The following TBX4 variants were observed in gnomAD, a reference collection of about 807,000 sequenced individuals.
TBX4 encodes the protein T-box transcription factor TBX4.
In TBX4, 13 loss-of-function variants were observed where a neutral mutation model predicts 54.6. That is an observed-to-expected ratio of 0.24 (90% CI 0.15 to 0.38). TBX4 has a LOEUF of 0.38. Among genes scored for constraint, TBX4 ranks in the 10% least tolerant of loss-of-function variants. TBX4 has a pLI of 1.00. For missense variants in TBX4, 631 were observed against 728.5 expected (o/e 0.87, Z 1.54); for synonymous variants, 314 against 306.7 (o/e 1.02, Z -0.25).
rs1203870572 is a variant in TBX4 at position 61,480,506 on chromosome 17, A to G, written c.1021+187A>G. Among the ~76,000 whole-genome samples, 1 of 151,916 alleles carries G rather than the reference A, an allele frequency of 6.6e-6. No homozygotes were observed. Among genetic ancestry groups the G allele is most frequent in the Non-Finnish European group, 1.5e-5 (1 of 68,008 alleles). ...CAGGGCCATCTTTTCCAGTGCAGGG[A>G]TGCTGGTTCTCATCTCTCATGCTGC... is the stretch of plus-strand genomic sequence containing the variant. On this transcript the variant is annotated intron_variant, in intron 8 of 8. Coordinates refer to ENST00000644296, the MANE Select transcript of TBX4 (RefSeq NM_001321120.2). The surrounding 1 kb of genome is among the most constrained non-coding windows in gnomAD (Gnocchi z 6.2).
chr17:61,471,502 C>A (rs1055854004), intron 5 of TBX4, among the ~76,000 whole-genome samples: 1 of 151,734 alleles, frequency 6.6e-6, no homozygotes, highest in East Asian at 1.9e-4. Context: ...TTTCTTTCAA[C>A]CCCCAGTACA....
rs909857413 is a variant in TBX4, at chr17:61,480,394, G to C, written c.1021+75G>C. ...GTTCTCCCCGAAACCACTCTGCAGC[G>C]CCCCCCCCCCCAACACACACACACT... On this transcript the variant is annotated intron_variant, in intron 8 of 8. Transcript: ENST00000644296. This position sits in a 1 kb window ranked among gnomAD's most constrained non-coding sequence, Gnocchi z 6.2. The C allele has an allele frequency of 1.4e-5, 13 of 936,756 alleles. No homozygotes were observed. Among genetic ancestry groups the C allele is most frequent in the Non-Finnish European group, 2.1e-5 (13 of 622,028 alleles). The allele number at this position is 936,756 out of a possible 1,614,324, so 58.0% of individuals were successfully genotyped here.
chr17:61,478,233 T>C lies in TBX4; in HGVS notation c.550-394T>C, dbSNP rs1466026453. 3 of 307,780 alleles carry C rather than the reference T, an allele frequency of 9.7e-6. No homozygotes were observed. The East Asian group carries it at 2.4e-4, about 25-fold the overall frequency. 19.1% of individuals were successfully genotyped at this position (307,780 alleles called of 1,614,324 possible). On this transcript the variant is annotated intron_variant, in intron 5 of 8. Transcript: ENST00000644296. This position sits in a 1 kb window ranked among gnomAD's most constrained non-coding sequence, Gnocchi z 7.4. ...GCACAGAGAAGCCCAGTGACTTGTCTGAGATCAAACAGTGACTCGGTGGCA... is the reference window on the plus strand; with the variant it reads ...GCACAGAGAAGCCCAGTGACTTGTCCGAGATCAAACAGTGACTCGGTGGCA...
rs973922023 is a variant in TBX4 at position 61,465,154 on chromosome 17, C to T, written c.282-665C>T. Among the ~76,000 whole-genome samples, 6 of 152,108 alleles carry T rather than the reference C, an allele frequency of 3.9e-5. No individual in the cohort carries two copies. The highest frequency in any genetic ancestry group is 7.2e-5 in the African/African-American group (3 of 41,412). On this transcript the variant is annotated intron_variant, in intron 3 of 8. Coordinates refer to ENST00000644296, the MANE Select transcript of TBX4 (RefSeq NM_001321120.2). This position sits in a 1 kb window ranked among gnomAD's most constrained non-coding sequence, Gnocchi z 4.9. The stretch of plus-strand genomic sequence containing the variant: ...TCTCTTATCCATGAGGCTCCTGGAC[C>T]GACTTTCCCCTGATACTCAGGGTGC...
At position 61,479,122 on chromosome 17, in the gene TBX4, C is replaced by T. The variant is rs2060644005; in HGVS notation, c.702+343C>T. Reference sequence around the variant, plus strand: ...CAATGTTCTTTCTCCTGGTTCATCTCCTGGTGCCTTCAGAGACAGGGGTAG... The same window carrying T: ...CAATGTTCTTTCTCCTGGTTCATCTTCTGGTGCCTTCAGAGACAGGGGTAG... On this transcript the variant is annotated intron_variant, in intron 6 of 8. Coordinates refer to ENST00000644296, the MANE Select transcript of TBX4 (RefSeq NM_001321120.2). The surrounding 1 kb of genome is among the most constrained non-coding windows in gnomAD (Gnocchi z 6.1). Among the ~76,000 whole-genome samples the T allele has an allele frequency of 6.6e-6, 1 of 152,168 alleles. No individual in the cohort carries two copies. Among genetic ancestry groups the T allele is most frequent in the African/African-American group, 2.4e-5 (1 of 41,442 alleles).
At chr17:61,477,532 T>C (rs1250725480) in intron 5 of TBX4, among the ~76,000 whole-genome samples, 1 of 152,228 alleles carries the variant, frequency 6.6e-6, no homozygotes, top group African/African-American at 2.4e-5. Flanking sequence ...CCTTGGCACC[T>C]TGAACGCTTG....
chr17:61,477,642 G>A (rs1171980340), intron 5 of TBX4, among the ~76,000 whole-genome samples: 1 of 152,200 alleles, frequency 6.6e-6, no homozygotes, highest in Admixed American at 6.5e-5. Flanking sequence ...TGTGAACGTT[G>A]AGAAATGCAT....
chr17:61,475,296 T>A lies in TBX4; in HGVS notation c.550-3331T>A, dbSNP rs1389564996. 6.6e-6 allele frequency among the ~76,000 whole-genome samples: 1 copy of A among 152,220 alleles called. No individual in the cohort carries two copies. Among genetic ancestry groups the A allele is most frequent in the African/African-American group, 2.4e-5 (1 of 41,452 alleles). On this transcript the variant is annotated intron_variant, in intron 5 of 8. Transcript: ENST00000644296. This position sits in a 1 kb window ranked among gnomAD's most constrained non-coding sequence, Gnocchi z 5.0. ...AGGGAACAATCAAAGGTGGATTGTG[T>A]ACATAAGGCATTTACTGAGCCCCAT...
rs1172100528 is a variant in TBX4 at position 61,481,744 on chromosome 17, T to TGGATGTGTG, written c.1022-1150_1022-1142dup. 6.6e-6 allele frequency: 1 copy of TGGATGTGTG among 152,354 alleles called. No individual in the cohort carries two copies. The highest frequency in any genetic ancestry group is 1.9e-4 in the East Asian group (1 of 5,184). The allele number at this position is 152,354 out of a possible 1,614,324, so 9.4% of individuals were successfully genotyped here. On this transcript the variant is annotated intron_variant, in intron 8 of 8. Transcript: ENST00000644296. This position sits in a 1 kb window ranked among gnomAD's most constrained non-coding sequence, Gnocchi z 4.8. ...GGAGGAGGGAGGCCAAGATGAGCCATGGATGTGTGGGGTTTTTGTTGTTGT... is the reference window on the plus strand; with the variant it reads ...GGAGGAGGGAGGCCAAGATGAGCCATGGATGTGTGGGATGTGTGGGGTTTTTGTTGTTGT...
chr17:61,463,009 G>A (rs1267900465), intron 3 of TBX4: 2 of 152,316 alleles, frequency 1.3e-5, no homozygotes, highest in Non-Finnish European at 1.5e-5. Flanking sequence ...CCTCGACCTG[G>A]GCAGGAAGCC....
At position 61,472,682 on chromosome 17, in the gene TBX4, C is replaced by A. The variant is rs1168404965; in HGVS notation, c.549+5025C>A. Among the ~76,000 whole-genome samples, 1 of 152,304 alleles carries A rather than the reference C, an allele frequency of 6.6e-6. No individual in the cohort carries two copies. Among genetic ancestry groups the A allele is most frequent in the South Asian group, 2.1e-4 (1 of 4,828 alleles). ...GTTATTGAAAGCCCTAACCCCCCTC[C>A]TTACTTATAAGGGACTTTTCTTTTA... On this transcript the variant is annotated intron_variant, in intron 5 of 8. Transcript: ENST00000644296. This position sits in a 1 kb window ranked among gnomAD's most constrained non-coding sequence, Gnocchi z 4.5.
chr17:61,476,671 G>A lies in TBX4; in HGVS notation c.550-1956G>A, dbSNP rs931664687. 1.3e-5 allele frequency among the ~76,000 whole-genome samples: 2 copies of A among 152,252 alleles called. No homozygotes were observed. Among genetic ancestry groups the A allele is most frequent in the Admixed American group, 6.5e-5 (1 of 15,292 alleles). The stretch of plus-strand genomic sequence containing the variant: ...CTGGCAGGCCCCCAGTCGGGCAGCA[G>A]GTCCCCAGCTGCAGGACCTGGTTTG... On this transcript the variant is annotated intron_variant, in intron 5 of 8. Transcript: ENST00000644296. This position sits in a 1 kb window ranked among gnomAD's most constrained non-coding sequence, Gnocchi z 6.5.
chr17:61,458,073 C>T (rs1223103170), intron 3 of TBX4, among the ~76,000 whole-genome samples: 2 of 151,924 alleles, frequency 1.3e-5, no homozygotes, highest in Non-Finnish European at 2.9e-5. Context: ...TCGTGAGTGA[C>T]TCGAACCCCA....
At position 61,472,894 on chromosome 17, in the gene TBX4, C is replaced by T. The variant is rs2060591242; in HGVS notation, c.549+5237C>T. ...GTGCCTTATTTCTGAACACTAAATC[C>T]CTATATGAATGTGTGCCTGTTCACA... On this transcript the variant is annotated intron_variant, in intron 5 of 8. Coordinates refer to ENST00000644296, the MANE Select transcript of TBX4 (RefSeq NM_001321120.2). This position sits in a 1 kb window ranked among gnomAD's most constrained non-coding sequence, Gnocchi z 4.5. Among the ~76,000 whole-genome samples the T allele has an allele frequency of 6.6e-6, 1 of 151,800 alleles. No individual in the cohort carries two copies. Among genetic ancestry groups the T allele is most frequent in the African/African-American group, 2.4e-5 (1 of 41,260 alleles).
intron 1 of TBX4, among the ~76,000 whole-genome samples, chr17:61,455,603 G>A (rs958522456): frequency 6.6e-6 from 1 of 152,348 alleles, no homozygotes; most frequent in Admixed American, 6.5e-5. Flanking sequence ...AGGGCTAAGC[G>A]GTTCCTGTGA....
chr17:61,473,703 T>C (rs1378710033), intron 5 of TBX4, among the ~76,000 whole-genome samples: 1 of 152,230 alleles, frequency 6.6e-6, no homozygotes, highest in Non-Finnish European at 1.5e-5. Context: ...GCTGGGCAAA[T>C]GCCTGCACCT....
rs2060452615 is a variant in TBX4 at position 61,456,638 on chromosome 17, C to T, written c.148C>T (p.Pro50Ser). The T allele has an allele frequency of 2.2e-6, 3 of 1,356,120 alleles. No individual in the cohort carries two copies. The highest frequency in any genetic ancestry group is 6.2e-5 in the East Asian group (2 of 32,060). The allele number at this position is 1,356,120 out of a possible 1,614,324, so 84.0% of individuals were successfully genotyped here. A position where few individuals can be genotyped will look rare whatever the true frequency, so the allele number is the denominator to read the frequency against. ...AGCCGCGCTAGGCAGCCCCCCGGGA[C>T]CCGGGGCCGACGTCGTCGCCGCCGC... ...SGAALGSPPG[P>S]GADVVAAAAA... Residue 50 changes from proline to serine, a missense_variant, in exon 2 of 9, where the codon CCC becomes TCC. Pro to Ser is a moderately conservative substitution (Grantham distance 74, BLOSUM62 -1). This residue lies in a region of TBX4 where 123 missense variants were observed against 120.9 expected (regional missense o/e 1.02). Transcript: ENST00000644296.
At position 61,470,970 on chromosome 17, in the gene TBX4, T is replaced by G. The variant is rs560836796; in HGVS notation, c.549+3313T>G. On this transcript the variant is annotated intron_variant, in intron 5 of 8. Coordinates refer to ENST00000644296, the MANE Select transcript of TBX4 (RefSeq NM_001321120.2). ...GCGGGACCTGTATCCTGTAGCACGA[T>G]GAGGAAATGGTGGCATGCAGGTATC... Among the ~76,000 whole-genome samples, 17 of 152,280 alleles carry G rather than the reference T, an allele frequency of 1.1e-4. 1 individual carries two copies. Among genetic ancestry groups the G allele is most frequent in the African/African-American group, 4.1e-4 (17 of 41,552 alleles).
chr17:61,483,237 G>T lies in TBX4; in HGVS notation c.1362G>T (p.Pro454=). 6.2e-7 allele frequency: 1 copy of T among 1,614,122 alleles called. No individual in the cohort carries two copies. The change falls in exon 9 of 9, where the codon CCG becomes CCT. Residue 454 remains proline, a synonymous_variant. Coordinates refer to ENST00000644296, the MANE Select transcript of TBX4 (RefSeq NM_001321120.2). This position sits in a 1 kb window ranked among gnomAD's most constrained non-coding sequence, Gnocchi z 6.6. ...ACTTCACCGCCACCACCATGATGCC[G>T]CGGCTGCCCACCCTCTCCGCTCAGA... ...PTHFTATTMM[P]RLPTLSAQSS... is the part of the protein sequence containing the mutation.
Sources: allele counts gnomAD v4.1 joint callset (sites outside exome capture counted in the v4.1 genomes callset), GRCh38; gene constraint gnomAD v4.1.1; regional missense constraint gnomAD v4.1.1; non-coding constraint Gnocchi (gnomAD v3.1); transcripts MANE v1.5; gene names NCBI Gene and HGNC (gene_info 2026-07-23, HGNC 2026-07-21).